Variants in SYT1 observed in about 807,000 individuals in gnomAD.
SYT1 encodes the protein synaptotagmin 1, also known as synaptotagmin-1.
In SYT1, 8 loss-of-function variants were observed where a neutral mutation model predicts 44.8. The observed-to-expected ratio is 0.18, with a 90% CI of 0.10 to 0.32. The LOEUF is 0.32. Ranked by LOEUF, SYT1 falls within the 10% of genes least tolerant of loss-of-function variation. The probability of loss-of-function intolerance (pLI) is 1.00; values close to 1 mark genes in which losing one functional copy is unlikely to be tolerated. For missense variants in SYT1, 286 were observed against 509.3 expected, an observed-to-expected ratio of 0.56 and a Z score of 4.22; for synonymous variants, 154 against 188.8, an observed-to-expected ratio of 0.82 and a Z score of 1.51.
At chr12:79,088,599 A>G (rs1039601746) in intron 3 of SYT1, among the ~76,000 whole-genome samples, 5 of 152,100 alleles carry the variant, frequency 3.3e-5, no homozygotes, top group Non-Finnish European at 5.9e-5. Flanking sequence ...GTGAGACTTC[A>G]AAATTTTAAG....
At chr12:79,407,652 G>C (rs1885289658) in intron 9 of SYT1, among the ~76,000 whole-genome samples, 1 of 152,020 alleles carries the variant, frequency 6.6e-6, no homozygotes, top group East Asian at 1.9e-4. Context: ...ACTTTTAGGT[G>C]GGATGTATCT....
At chr12:79,132,329 G>A (rs745459375) in intron 3 of SYT1, among the ~76,000 whole-genome samples, 17 of 151,530 alleles carry the variant, frequency 1.1e-4, no homozygotes, top group African/African-American at 2.2e-4. Context: ...CGTGCCTGTC[G>A]TCCCAGCTAC....
chr12:79,075,667 C>T (rs1592725270), intron 3 of SYT1, among the ~76,000 whole-genome samples: 1 of 152,168 alleles, frequency 6.6e-6, no homozygotes, highest in South Asian at 2.1e-4. Context: ...TGAAGGTCAC[C>T]TACACCTCTG....
chr12:79,186,488 T>TTTA, intron 3 of SYT1, among the ~76,000 whole-genome samples: 1 of 152,190 alleles, frequency 6.6e-6, no homozygotes, highest in East Asian at 1.9e-4. Context: ...GGCATTTCAA[T>TTTA]TTATTATCCT....
chr12:79,152,876 T>TAAAAA (rs11334533), intron 3 of SYT1, among the ~76,000 whole-genome samples: 1,324 of 123,836 alleles, frequency 0.011, 18 homozygotes, highest in African/African-American at 0.036. Flanking sequence ...AAGAAAAATG[T>TAAAAA]AAAAAAAAAA....
In SYT1 at chr12:79,451,946, G is replaced by A. The variant is rs1190676090; in HGVS notation, c.*2822G>A. 1.3e-5 allele frequency: 2 copies of A among 152,102 alleles called. No homozygotes were observed. Among genetic ancestry groups the A allele is most frequent in the African/African-American group, 2.4e-5 (1 of 41,406 alleles). The allele number at this position is 152,102 out of a possible 1,614,324, so 9.4% of individuals were successfully genotyped here. ...TGAATTCCACAGTAGTTTTCTGATTGTTGTTAAAAATGACTTAACATATTA... is the reference window on the plus strand; with the variant it reads ...TGAATTCCACAGTAGTTTTCTGATTATTGTTAAAAATGACTTAACATATTA... On this transcript the variant is annotated 3_prime_UTR_variant, in exon 11 of 11. Coordinates refer to ENST00000261205, the MANE Select transcript of SYT1 (RefSeq NM_005639.3).
intron 8 of SYT1, among the ~76,000 whole-genome samples, chr12:79,322,965 G>T (rs1329148946): frequency 6.6e-6 from 1 of 152,188 alleles, no homozygotes; most frequent in Non-Finnish European, 1.5e-5. Flanking sequence ...GCATGGATTT[G>T]TAGTCTTGCT....
At chr12:79,050,379 G>C (rs575656870) in intron 3 of SYT1, among the ~76,000 whole-genome samples, 2 of 152,054 alleles carry the variant, frequency 1.3e-5, no homozygotes, top group African/African-American at 4.8e-5. Flanking sequence ...GAAAACCTGT[G>C]AATAAGTGGA....
intron 8 of SYT1, among the ~76,000 whole-genome samples, chr12:79,333,176 A>G (rs924741287): frequency 6.6e-5 from 10 of 152,180 alleles, no homozygotes; most frequent in Non-Finnish European, 1.5e-4. Context: ...AACAACAAAA[A>G]TTTATTTCTC....
intron 1 of SYT1, among the ~76,000 whole-genome samples, chr12:78,963,220 A>T (rs56862885): frequency 6.6e-6 from 1 of 152,106 alleles, no homozygotes; most frequent in African/African-American, 2.4e-5. Context: ...GTATTCTTAA[A>T]ATATGTTTAT....
At chr12:79,215,711 G>A (rs983684745) in intron 3 of SYT1, among the ~76,000 whole-genome samples, 7 of 151,938 alleles carry the variant, frequency 4.6e-5, no homozygotes, top group Non-Finnish European at 8.8e-5. Context: ...GAGAGAGAGA[G>A]AAATAGTCAA....
intron 1 of SYT1, among the ~76,000 whole-genome samples, chr12:78,887,748 C>T (rs1186278281): frequency 1.3e-5 from 2 of 151,858 alleles, no homozygotes; most frequent in African/African-American, 2.4e-5. Flanking sequence ...CATAAAGTTA[C>T]TATTCAGTAA....
chr12:79,306,571 G>C (rs1228474991), intron 8 of SYT1, among the ~76,000 whole-genome samples: 2 of 152,134 alleles, frequency 1.3e-5, no homozygotes, highest in African/African-American at 4.8e-5. Context: ...ATCATTACAT[G>C]GTCTCTCAAA....
intron 8 of SYT1, among the ~76,000 whole-genome samples, chr12:79,352,624 T>A (rs1041816395): frequency 1.3e-5 from 2 of 152,154 alleles, no homozygotes; most frequent in Admixed American, 1.3e-4. Flanking sequence ...TGTTGAACAA[T>A]AATTTGGTTC....
chr12:79,105,791 A>G (rs1362051307), intron 3 of SYT1, among the ~76,000 whole-genome samples: 1 of 152,046 alleles, frequency 6.6e-6, no homozygotes, highest in Admixed American at 6.6e-5. Flanking sequence ...GAGGCAGGAG[A>G]ATGGCATGAA....
chr12:79,169,705 T>C (rs1438918315), intron 3 of SYT1, among the ~76,000 whole-genome samples: 3 of 152,128 alleles, frequency 2.0e-5, no homozygotes, highest in Non-Finnish European at 4.4e-5. Flanking sequence ...AGCTTTTTTT[T>C]TAACTTTTAA....
intron 3 of SYT1, among the ~76,000 whole-genome samples, chr12:79,148,089 A>G (rs1166205778): frequency 6.6e-6 from 1 of 152,212 alleles, no homozygotes; most frequent in African/African-American, 2.4e-5. Context: ...TTTGTGATAA[A>G]TGGTTCATTT....
intron 9 of SYT1, chr12:79,392,825 T>C (rs1884718341): frequency 1.4e-5 from 2 of 147,050 alleles, no homozygotes; most frequent in South Asian, 4.4e-4. Context: ...TTAGTTATAC[T>C]TTAAGTTCTA....
intron 3 of SYT1, among the ~76,000 whole-genome samples, chr12:79,214,941 ATGTGTGTGTGTGTGTGTGTGTGTG>A (rs71091652): frequency 1.3e-5 from 2 of 148,452 alleles, no homozygotes; most frequent in South Asian, 4.3e-4. Flanking sequence ...ATGTGTGTAT[ATGTGTGTGTGTGTGTGTGTGTGTG>A]TGTGTGTGTG....
Sources: gnomAD v4.1 joint callset for allele counts (sites outside exome capture counted in the v4.1 genomes callset) on GRCh38, gnomAD v4.1.1 for gene constraint, MANE v1.5 for transcripts, NCBI Gene and HGNC (gene_info 2026-07-23, HGNC 2026-07-21) for gene names.